The following UMAD1 variants were observed in gnomAD, a reference collection of about 807,000 sequenced individuals.
UMAD1 encodes UBAP1-MVB12-associated (UMA)-domain containing protein 1.
UMAD1 carries 8 observed loss-of-function variants against 6.1 expected under a neutral mutation model. The ratio of observed to expected loss-of-function variants is 1.30; its 90% CI spans 0.76 to 2.35. The LOEUF (loss-of-function observed/expected upper bound fraction) is 2.35, where lower values mean the gene tolerates loss of function less well. Ranked by LOEUF, UMAD1 falls within the 30% of genes most tolerant of loss-of-function variation. The pLI is 0.00. For synonymous variants in UMAD1, 56 were observed against 31.4 expected, an observed-to-expected ratio of 1.78 and a Z score of -2.61; for missense variants, 130 against 78.4, an observed-to-expected ratio of 1.66 and a Z score of -2.49.
chr7:7,706,496 A>G (rs1780603005), intron 2 of UMAD1, among the ~76,000 whole-genome samples: 1 of 152,212 alleles, frequency 6.6e-6, no homozygotes, highest in Non-Finnish European at 1.5e-5. Context: ...TAATATTTCC[A>G]GAGTTTCCAA....
At chr7:7,785,523 GC>G (rs1192160454) in intron 2 of UMAD1, among the ~76,000 whole-genome samples, 1 of 152,196 alleles carries the variant, frequency 6.6e-6, no homozygotes, top group Non-Finnish European at 1.5e-5. Flanking sequence ...CACAATAGGG[GC>G]CATAAAATAA....
chr7:7,823,423 T>C (rs375604390), intron 3 of UMAD1, among the ~76,000 whole-genome samples: 13 of 152,238 alleles, frequency 8.5e-5, no homozygotes, highest in African/African-American at 2.6e-4. Flanking sequence ...CTATATTTGA[T>C]CTGGCAACCC....
intron 2 of UMAD1, among the ~76,000 whole-genome samples, chr7:7,757,865 G>A (rs761401038): frequency 1.3e-5 from 2 of 152,034 alleles, no homozygotes; most frequent in African/African-American, 2.4e-5. Flanking sequence ...TTCCACTCCC[G>A]CCACCATTCC....
At chr7:7,648,118 C>G (rs1859602) in intron 1 of UMAD1, among the ~76,000 whole-genome samples, 101,316 of 152,100 alleles carry the variant, frequency 0.67, 34,230 homozygotes, top group East Asian at 0.88. Flanking sequence ...CAGGCTGATA[C>G]CAGCCAGTGG....
At position 7,742,613 on chromosome 7, in the gene UMAD1, G is replaced by A. The variant is rs1220444775; in HGVS notation, c.83-59057G>A. ...CTAGAAGGATTAAAGGATGAATGCT[G>A]TTTAGTAATAAGCCGAAAAGAACCA... On this transcript the variant is annotated intron_variant, in intron 2 of 3. Transcript: ENST00000682710. The A allele has an allele frequency of 1.3e-5, 6 of 446,894 alleles. No individual in the cohort carries two copies. In the Admixed American group the frequency reaches 1.4e-4, roughly 11 times the overall value. 27.7% of individuals were successfully genotyped at this position (446,894 alleles called of 1,614,324 possible).
intron 3 of UMAD1, among the ~76,000 whole-genome samples, chr7:7,826,765 G>A (rs1174129405): frequency 6.6e-6 from 1 of 151,988 alleles, no homozygotes; most frequent in African/African-American, 2.4e-5. Context: ...ATATCTATCA[G>A]CAAGGAAGGC....
chr7:7,800,379 T>A (rs1261388053), intron 2 of UMAD1, among the ~76,000 whole-genome samples: 1 of 152,282 alleles, frequency 6.6e-6, no homozygotes, highest in Non-Finnish European at 1.5e-5. Flanking sequence ...GCTACCAATT[T>A]AGTTCTTGTT....
chr7:7,866,921 G>A (rs1247548127), intron 3 of UMAD1, among the ~76,000 whole-genome samples: 2 of 152,186 alleles, frequency 1.3e-5, no homozygotes, highest in African/African-American at 4.8e-5. Flanking sequence ...TATCCTGAAT[G>A]AAGAGAATGA....
chr7:7,688,704 G>A lies in UMAD1; in HGVS notation c.82+15251G>A, dbSNP rs114111847. 5.8e-3 allele frequency among the ~76,000 whole-genome samples: 876 copies of A among 152,068 alleles called. 13 individuals are homozygous for A. Among genetic ancestry groups the A allele is most frequent in the African/African-American group, 0.02 (834 of 41,464 alleles). On this transcript the variant is annotated intron_variant, in intron 2 of 3. Coordinates refer to ENST00000682710, the MANE Select transcript of UMAD1 (RefSeq NM_001302348.2). ...ATTATTGTTTTGTAATGTTATTTAC[G>A]CCTTTATTTTTGTATGTCTTGCCAA...
intron 2 of UMAD1, among the ~76,000 whole-genome samples, chr7:7,747,911 A>G (rs1019937371): frequency 3.3e-5 from 5 of 152,208 alleles, no homozygotes; most frequent in African/African-American, 1.2e-4. Flanking sequence ...TCTGAGCCAA[A>G]AAAGTAGGAA....
At chr7:7,842,974 G>A (rs1030368702) in intron 3 of UMAD1, among the ~76,000 whole-genome samples, 1 of 152,170 alleles carries the variant, frequency 6.6e-6, no homozygotes, top group Non-Finnish European at 1.5e-5. Flanking sequence ...GGGGGACGCT[G>A]TGGGCCAAGT....
intron 3 of UMAD1, among the ~76,000 whole-genome samples, chr7:7,850,821 A>G (rs1371752234): frequency 6.6e-6 from 1 of 152,142 alleles, no homozygotes; most frequent in Admixed American, 6.5e-5. Flanking sequence ...GGGGTCTTAC[A>G]AAGGTGTATT....
intron 1 of UMAD1, among the ~76,000 whole-genome samples, chr7:7,667,489 C>G (rs769976648): frequency 6.6e-6 from 1 of 152,124 alleles, no homozygotes; most frequent in African/African-American, 2.4e-5. Flanking sequence ...TAAGGATTGC[C>G]TCAGAAATAT....
chr7:7,779,605 T>C (rs1782304099), intron 2 of UMAD1, among the ~76,000 whole-genome samples: 1 of 152,004 alleles, frequency 6.6e-6, no homozygotes, highest in Admixed American at 6.6e-5. Flanking sequence ...GCCCCGTTTT[T>C]TTCCTCTTCA....
chr7:7,739,311 C>T (rs760695551), intron 2 of UMAD1, among the ~76,000 whole-genome samples: 18 of 152,230 alleles, frequency 1.2e-4, no homozygotes, highest in Non-Finnish European at 1.9e-4. Context: ...CTTGCCTGGT[C>T]CCTGTGAAAT....
At chr7:7,791,676 G>A (rs1782570073) in intron 2 of UMAD1, among the ~76,000 whole-genome samples, 1 of 152,182 alleles carries the variant, frequency 6.6e-6, no homozygotes, top group Admixed American at 6.5e-5. Flanking sequence ...AAGGACATCA[G>A]TGAAGCCCAA....
chr7:7,764,420 GC>G (rs1563187832), intron 2 of UMAD1, among the ~76,000 whole-genome samples: 2 of 152,146 alleles, frequency 1.3e-5, no homozygotes, highest in African/African-American at 4.8e-5. Context: ...AAGTAGTAAG[GC>G]AATATGAAGT....
Position 7,877,143 on chromosome 7 carries a change from G to GTAAAA in UMAD1, c.157-134_157-133insATAAA. 3 of 603,356 alleles carry GTAAAA rather than the reference G, an allele frequency of 5.0e-6. No homozygotes were observed. In the South Asian group the frequency reaches 6.0e-5, roughly 12 times the overall value. 37.4% of individuals were successfully genotyped at this position (603,356 alleles called of 1,614,324 possible). A position where few individuals can be genotyped will look rare whatever the true frequency, so the allele number is the denominator to read the frequency against. ...TGGATGAATGTAATTCTAAAGTAAA[G>GTAAAA]TAAAGAGCTGCGTTCAAATCTGGGA... On this transcript the variant is annotated intron_variant, in intron 3 of 3. Coordinates refer to ENST00000682710, the MANE Select transcript of UMAD1 (RefSeq NM_001302348.2).
intron 2 of UMAD1, among the ~76,000 whole-genome samples, chr7:7,766,771 TTATC>T (rs1563189435): frequency 1.3e-5 from 2 of 152,224 alleles, no homozygotes; most frequent in Non-Finnish European, 2.9e-5. Flanking sequence ...GTGTACTTGT[TTATC>T]TAAGATTTGG....
Sources: allele counts gnomAD v4.1 joint callset (sites outside exome capture counted in the v4.1 genomes callset), GRCh38; gene constraint gnomAD v4.1.1; transcripts MANE v1.5; gene names NCBI Gene and HGNC (gene_info 2026-07-23, HGNC 2026-07-21).